Variants in CLK1 observed in about 807,000 individuals in gnomAD.
CLK1 encodes CDC like kinase 1.
A neutral mutation model predicts 60.9 loss-of-function variants in CLK1; 40 were observed. The ratio of observed to expected loss-of-function variants is 0.66; its 90% CI spans 0.51 to 0.86. The LOEUF is 0.86. Ranked by LOEUF, CLK1 falls within the 40% of genes least tolerant of loss-of-function variation. The pLI is 0.00. For synonymous variants in CLK1, 203 were observed against 184.4 expected, an observed-to-expected ratio of 1.10 and a Z score of -0.82; for missense variants, 563 against 606.1, an observed-to-expected ratio of 0.93 and a Z score of 0.75.
rs1269919150 is a variant in CLK1, at chr2:200,861,647, T to C, written c.161+55A>G. ...ATCAGGTACTTATTTTAAGTGATAC[T>C]AGTTTTGTCTAGTAATGTATTGTTA... is the stretch of plus-strand genomic sequence containing the variant. On this transcript the variant is annotated intron_variant, in intron 2 of 12. Coordinates refer to ENST00000321356, the MANE Select transcript of CLK1 (RefSeq NM_004071.4). 19 of 1,588,240 alleles carry C rather than the reference T, an allele frequency of 1.2e-5. No individual in the cohort carries two copies. In the Admixed American group the frequency reaches 3.3e-4, roughly 28 times the overall value.
intron 9 of CLK1, 61 bp downstream of exon 9, chr2:200,856,620 TA>T: frequency 6.8e-7 from 1 of 1,464,886 alleles, no homozygotes; most frequent in Non-Finnish European, 9.2e-7. Flanking sequence ...CTAAAACTGC[TA>T]AAAAAATTTT....
At chr2:200,858,715 C>T (rs1559327563) in intron 5 of CLK1, among the ~76,000 whole-genome samples, 1 of 150,750 alleles carries the variant, frequency 6.6e-6, no homozygotes, top group Middle Eastern at 3.4e-3. Context: ...GAAAAATAAA[C>T]AAAAAAAGAG....
At chr2:200,853,679 G>GGA (rs1171654137) in intron 12 of CLK1, among the ~76,000 whole-genome samples, 1,053 of 49,146 alleles carry the variant, frequency 0.021, 26 homozygotes, top group African/African-American at 0.05. Flanking sequence ...GTCTTTACTT[G>GGA]AAAAAAAAAA....
chr2:200,853,234 ATAACT>A lies in CLK1; in HGVS notation c.*67_*71del. ...TTAAGAATTTACAAAGCTGTACAAAATAACTTAAAATTTAAAAATTAGACTGATAC... is the reference window on the plus strand; with the variant it reads ...TTAAGAATTTACAAAGCTGTACAAAATAAAATTTAAAAATTAGACTGATAC... On this transcript the variant is annotated 3_prime_UTR_variant, in exon 13 of 13. Coordinates refer to ENST00000321356, the MANE Select transcript of CLK1 (RefSeq NM_004071.4). 1.7e-6 allele frequency: 2 copies of A among 1,184,268 alleles called. No homozygotes were observed. The highest frequency in any genetic ancestry group is 2.3e-6 in the Non-Finnish European group (2 of 859,422). The allele number at this position is 1,184,268 out of a possible 1,614,324, so 73.4% of individuals were successfully genotyped here. A position where few individuals can be genotyped will look rare whatever the true frequency, so the allele number is the denominator to read the frequency against.
Position 200,855,104 on chromosome 2 carries a change from A to G in CLK1, c.1058-18T>C, listed in dbSNP as rs1235899863. On this transcript the variant is annotated intron_variant, in intron 9 of 12. Coordinates refer to ENST00000321356, the MANE Select transcript of CLK1 (RefSeq NM_004071.4). Reference sequence around the variant, plus strand: ...CCCTAGGGCTGCAAAGCAAAGCAAAATTTAAGGAAAAAAAATACTCAATGT... The same window carrying G: ...CCCTAGGGCTGCAAAGCAAAGCAAAGTTTAAGGAAAAAAAATACTCAATGT... The G allele has an allele frequency of 1.3e-6, 2 of 1,563,536 alleles. No individual in the cohort carries two copies. The highest frequency in any genetic ancestry group is 8.7e-7 in the Non-Finnish European group (1 of 1,153,354).
At position 200,861,288 on chromosome 2, in the gene CLK1, T is replaced by C; in HGVS notation, c.340A>G (p.Lys114Glu). The C allele has an allele frequency of 4.3e-6, 7 of 1,614,206 alleles. No homozygotes were observed. Among genetic ancestry groups the C allele is most frequent in the Non-Finnish European group, 5.9e-6 (7 of 1,180,030 alleles). The change falls in exon 3 of 13, where the codon AAA becomes GAA. Residue 114 changes from lysine (K) to glutamate (E), a missense_variant. This residue lies in a region of CLK1 where 198 missense variants were observed against 179.2 expected (regional missense o/e 1.10). Transcript: ENST00000321356. ...CTGTGGTGAATCCTGTGTTTGCTTTTATAACTACTTCTTCCACTTCTACCA... is the reference window on the plus strand; with the variant it reads ...CTGTGGTGAATCCTGTGTTTGCTTTCATAACTACTTCTTCCACTTCTACCA... ...SSGRSGRSSYKSKHRIHHSTS... is the reference protein window; with the variant it reads ...SSGRSGRSSYESKHRIHHSTS...
chr2:200,860,085 T>C lies in CLK1; in HGVS notation c.481+40A>G, dbSNP rs1170966248. 5.6e-6 allele frequency: 9 copies of C among 1,601,078 alleles called. No individual in the cohort carries two copies. In the Admixed American group the frequency reaches 1.5e-4, roughly 27 times the overall value. ...AAGCTTAATCTATATATAGATTATG[T>C]TATCTGAAAAGTTAATAAGTGTTGA... is the stretch of plus-strand genomic sequence containing the variant. On this transcript the variant is annotated intron_variant, in intron 4 of 12. Transcript: ENST00000321356.
At chr2:200,858,806 TAACAACAACAACAAC>T (rs57925642) in intron 5 of CLK1, among the ~76,000 whole-genome samples, 1 of 137,806 alleles carries the variant, frequency 7.3e-6, no homozygotes, top group Non-Finnish European at 1.6e-5. Flanking sequence ...GGAAGAACAA[TAACAACAACAACAAC>T]AACAACAACA....
chr2:200,862,101 CAAA>C (rs145681104), intron 1 of CLK1, among the ~76,000 whole-genome samples: 1 of 128,450 alleles, frequency 7.8e-6, no homozygotes. Context: ...TGGAAGAATG[CAAA>C]AAAAAAAAAA....
intron 3 of CLK1, chr2:200,860,946 C>G (rs1171456452): frequency 8.7e-7 from 1 of 1,149,758 alleles, no homozygotes; most frequent in African/African-American, 1.6e-5. Context: ...CCACAAAAAA[C>G]CCTTTTAGAA....
chr2:200,864,223 C>T (rs2039191498), intron 1 of CLK1: 6 of 1,546,834 alleles, frequency 3.9e-6, no homozygotes, highest in Non-Finnish European at 5.2e-6. Flanking sequence ...CGCCCAGCCG[C>T]CATCTTACAG....
At chr2:200,859,591 C>A in intron 5 of CLK1, 89 bp downstream of exon 5, 2 of 985,622 alleles carry the variant, frequency 2.0e-6, no homozygotes, top group Non-Finnish European at 3.1e-6. Flanking sequence ...AGATATGTAT[C>A]TAACTCATGG....
intron 1 of CLK1, chr2:200,864,222 G>A: frequency 6.5e-7 from 1 of 1,546,396 alleles, no homozygotes; most frequent in Non-Finnish European, 8.7e-7. Flanking sequence ...CCGCCCAGCC[G>A]CCATCTTACA....
At position 200,857,626 on chromosome 2, in the gene CLK1, A is replaced by T. The variant is rs148758882; in HGVS notation, c.832+92T>A. 5.0e-4 allele frequency: 542 copies of T among 1,074,986 alleles called. 3 individuals are homozygous for T. The African/African-American group carries it at 5.4e-3, about 11-fold the overall frequency. 66.6% of individuals were successfully genotyped at this position (1,074,986 alleles called of 1,614,324 possible). A position where few individuals can be genotyped will look rare whatever the true frequency, so the allele number is the denominator to read the frequency against. ...TATTCTTCCTCCCCCTTTATTTTTA[A>T]TCAAATAAAAATTGTACACACTTAG... On this transcript the variant is annotated intron_variant, in intron 7 of 12. Transcript: ENST00000321356.
intron 1 of CLK1, 128 bp downstream of exon 1, chr2:200,864,436 A>G: frequency 1.6e-6 from 1 of 613,784 alleles, no homozygotes; most frequent in South Asian, 2.6e-5. Context: ...CTGGGAGTGA[A>G]GGGAGCAGGC....
intron 9 of CLK1, among the ~76,000 whole-genome samples, chr2:200,856,452 C>A (rs2039046152): frequency 6.6e-6 from 1 of 152,176 alleles, no homozygotes; most frequent in African/African-American, 2.4e-5. Context: ...AAAAACCCTA[C>A]CACATATTAC....
At chr2:200,857,388 G>T in intron 7 of CLK1, 1 of 263,446 alleles carries the variant, frequency 3.8e-6, no homozygotes, top group Non-Finnish European at 7.2e-6. Flanking sequence ...AAAATCACCA[G>T]TAACTAAAAC....
Position 200,859,701 on chromosome 2 carries a change from A to G in CLK1, c.527T>C (p.Val176Ala). The change falls in exon 5 of 13, where the codon GTG (valine) becomes GCG (alanine). Residue 176 changes from valine (V) to alanine (A), a missense_variant. Coordinates refer to ENST00000321356, the MANE Select transcript of CLK1 (RefSeq NM_004071.4). ...TTACGCTTTATGATCGATGCACTCC[A>G]CAACTTTTCCAAAAGCTCCTTCACC... is the stretch of plus-strand genomic sequence containing the variant. ...TLGEGAFGKV[V>A]ECIDHKAGGR... 6.2e-7 allele frequency: 1 copy of G among 1,613,778 alleles called. No homozygotes were observed. Among genetic ancestry groups the G allele is most frequent in the Non-Finnish European group, 8.5e-7 (1 of 1,179,884 alleles).
chr2:200,860,420 C>T, intron 3 of CLK1: 2 of 1,285,306 alleles, frequency 1.6e-6, no homozygotes, highest in Middle Eastern at 3.0e-4. Context: ...AGGAGAAAAA[C>T]ATGGCAAGGA....
Sources: allele counts gnomAD v4.1 joint callset (sites outside exome capture counted in the v4.1 genomes callset), GRCh38; gene constraint gnomAD v4.1.1; regional missense constraint gnomAD v4.1.1; transcripts MANE v1.5; gene names NCBI Gene and HGNC (gene_info 2026-07-23, HGNC 2026-07-21).